The following ARHGEF3 variants were observed in gnomAD, a reference collection of about 807,000 sequenced individuals.
ARHGEF3 encodes the protein 59.8 kDA protein.
In ARHGEF3, 28 loss-of-function variants were observed where a neutral mutation model predicts 63.2. That is an observed-to-expected ratio of 0.44 (90% CI 0.33 to 0.61). The LOEUF is 0.61. Among genes scored for constraint, ARHGEF3 ranks in the 20% least tolerant of loss-of-function variants. The pLI is 0.03. For synonymous variants in ARHGEF3, 266 were observed against 254.2 expected (o/e 1.05, Z -0.44); for missense variants, 533 against 659.3 (o/e 0.81, Z 2.10).
chr3:57,074,821 C>T (rs1706135507), intron 1 of ARHGEF3: 1 of 168,820 alleles, frequency 5.9e-6, no homozygotes, highest in South Asian at 2.0e-4. Flanking sequence ...GGCTCATGCT[C>T]ATTCCCCAGG....
At chr3:56,782,436 G>C (rs929422769) in intron 1 of ARHGEF3, among the ~76,000 whole-genome samples, 7 of 152,108 alleles carry the variant, frequency 4.6e-5, no homozygotes, top group African/African-American at 7.2e-5. Flanking sequence ...ACCAGGAACT[G>C]TTCCGGGAGG....
chr3:56,868,951 G>A (rs911088111), intron 4 of ARHGEF3, among the ~76,000 whole-genome samples: 6 of 152,072 alleles, frequency 3.9e-5, no homozygotes, highest in African/African-American at 1.4e-4. Flanking sequence ...ATTAGTGGAC[G>A]CGCTGAGTGA....
chr3:56,794,579 A>G (rs1251458125), intron 1 of ARHGEF3, among the ~76,000 whole-genome samples: 2 of 151,778 alleles, frequency 1.3e-5, no homozygotes, highest in Non-Finnish European at 2.9e-5. Flanking sequence ...CTCATCATCT[A>G]TACTGAACAC....
At chr3:57,054,324 T>A (rs1704808308) in intron 1 of ARHGEF3, among the ~76,000 whole-genome samples, 1 of 152,068 alleles carries the variant, frequency 6.6e-6, no homozygotes, top group African/African-American at 2.4e-5. Flanking sequence ...CTCAAGTCTT[T>A]TATCCTTTTA....
At chr3:57,026,615 G>GTT (rs1394715158) in intron 2 of ARHGEF3, among the ~76,000 whole-genome samples, 1 of 146,652 alleles carries the variant, frequency 6.8e-6, no homozygotes, top group Non-Finnish European at 1.5e-5. Context: ...GACAGTGGCT[G>GTT]TTTTAGGTGC....
chr3:57,006,994 T>C (rs1560127028), intron 2 of ARHGEF3, among the ~76,000 whole-genome samples: 2 of 152,180 alleles, frequency 1.3e-5, no homozygotes, highest in South Asian at 4.1e-4. Context: ...TTTGGGCTGC[T>C]GGTTCTGCCC....
At chr3:56,992,401 AAAAAAAAAAAAAAC>A (rs1477471003) in intron 2 of ARHGEF3, among the ~76,000 whole-genome samples, 1 of 143,148 alleles carries the variant, frequency 7.0e-6, no homozygotes, top group African/African-American at 2.7e-5. Flanking sequence ...AAAAAAAAAA[AAAAAAAAAAAAAAC>A]AGAAAGAAGG....
At position 57,003,401 on chromosome 3, in the gene ARHGEF3, CAAA is replaced by C. The variant is rs60214570; in HGVS notation, c.62+31684_62+31686del. Reference sequence around the variant, plus strand: ...CTGGCAACGAAGCGAGACGCCGTCTCAAAAAAAAAAAAAAAAAAAAAAAAAAGT... The same window carrying C: ...CTGGCAACGAAGCGAGACGCCGTCTCAAAAAAAAAAAAAAAAAAAAAAAGT... On this transcript the variant is annotated intron_variant, in intron 2 of 12. Transcript: ENST00000338458. 2.3e-4 allele frequency among the ~76,000 whole-genome samples: 10 copies of C among 43,730 alleles called. No individual in the cohort carries two copies. The South Asian group carries it at 6.4e-3, about 28-fold the overall frequency. 28.7% of individuals were successfully genotyped at this position (43,730 alleles called of 152,430 possible).
chr3:56,948,747 GAAA>G (rs1699649106), intron 3 of ARHGEF3, among the ~76,000 whole-genome samples: 1 of 152,082 alleles, frequency 6.6e-6, no homozygotes, highest in Non-Finnish European at 1.5e-5. Context: ...CCAATCAACA[GAAA>G]AAGAGGGACT....
intron 2 of ARHGEF3, among the ~76,000 whole-genome samples, chr3:57,000,310 C>A (rs13089827): frequency 0.018 from 2,463 of 139,326 alleles, 122 homozygotes; most frequent in Admixed American, 0.034. Flanking sequence ...AGGGTAACTC[C>A]CACACACACA....
At chr3:56,762,701 A>G (rs2035488069) in intron 2 of ARHGEF3, among the ~76,000 whole-genome samples, 1 of 152,164 alleles carries the variant, frequency 6.6e-6, no homozygotes, top group African/African-American at 2.4e-5. Flanking sequence ...CATGCTAACC[A>G]TATTGCTATT....
At chr3:56,964,180 C>T (rs1023076432) in intron 2 of ARHGEF3, among the ~76,000 whole-genome samples, 4 of 151,828 alleles carry the variant, frequency 2.6e-5, no homozygotes, top group Admixed American at 1.3e-4. Flanking sequence ...GGTGAAACCC[C>T]GTCTCTACTA....
chr3:56,912,139 T>A (rs1409747183), intron 3 of ARHGEF3, among the ~76,000 whole-genome samples: 1 of 152,166 alleles, frequency 6.6e-6, no homozygotes, highest in African/African-American at 2.4e-5. Context: ...GACTTTGAAG[T>A]AGGGCAGATA....
At chr3:56,968,049 TATAATATATATAATATATATA>T (rs1700675795) in intron 2 of ARHGEF3, among the ~76,000 whole-genome samples, 4 of 3,454 alleles carry the variant, frequency 1.2e-3, no homozygotes, top group South Asian at 0.023. Context: ...ATAAAATATA[TATAATATATATAATATATATA>T]ATATATTATA....
upstream of ARHGEF3, among the ~76,000 whole-genome samples, chr3:56,802,342 G>A (rs1181787237): frequency 1.3e-5 from 2 of 152,138 alleles, no homozygotes; most frequent in African/African-American, 4.8e-5. Flanking sequence ...AAAAGCGAGC[G>A]TTTTAAAAGC....
At chr3:56,856,743 T>C (rs141311108) in intron 4 of ARHGEF3, among the ~76,000 whole-genome samples, 12 of 146,756 alleles carry the variant, frequency 8.2e-5, no homozygotes, top group Middle Eastern at 3.7e-3. Flanking sequence ...TCCATCAAGA[T>C]AGTGGCTGAC....
chr3:56,751,328 T>C lies in ARHGEF3; in HGVS notation c.507A>G (p.Thr169=), dbSNP rs751681329. The C allele has an allele frequency of 3.1e-6, 5 of 1,613,990 alleles. No individual in the cohort carries two copies. The South Asian group carries it at 5.5e-5, about 18-fold the overall frequency. Residue 169 remains threonine, a synonymous_variant, in exon 5 of 10, where the codon ACA becomes ACG. Coordinates refer to ENST00000296315, the MANE Select transcript of ARHGEF3 (RefSeq NM_019555.3). The stretch of plus-strand genomic sequence containing the variant: ...CATGTAGAGGAATTAGAGAGTCCAG[T>C]GTTCCAAAAATTTGATTCAACTCTT... The part of the protein sequence containing the change: ...TEQELNQIFG[T]LDSLIPLHEE...
chr3:56,806,223 G>C (rs536087073), upstream of ARHGEF3, among the ~76,000 whole-genome samples: 4 of 152,262 alleles, frequency 2.6e-5, no homozygotes, highest in South Asian at 8.3e-4. Context: ...CACTATCTGG[G>C]GGTGTCCGTG....
chr3:56,866,977 C>G (rs1444063514), intron 4 of ARHGEF3, among the ~76,000 whole-genome samples: 1 of 152,184 alleles, frequency 6.6e-6, no homozygotes, highest in Non-Finnish European at 1.5e-5. Flanking sequence ...TCCTTCTATC[C>G]TCTTGTCTTT....
Sources: gnomAD v4.1 joint callset for allele counts (sites outside exome capture counted in the v4.1 genomes callset) on GRCh38, gnomAD v4.1.1 for gene constraint, MANE v1.5 for transcripts, NCBI Gene and HGNC (gene_info 2026-07-23, HGNC 2026-07-21) for gene names.